DCAF17: variants seen among roughly 807,000 people sequenced by gnomAD.
The protein encoded by DCAF17 is DDB1- and CUL4-associated factor 17.
Under a neutral mutation model 66.0 loss-of-function variants are expected in DCAF17, and 48 were observed. The observed-to-expected ratio is 0.73, with a 90% CI of 0.58 to 0.92. The LOEUF (loss-of-function observed/expected upper bound fraction) is 0.92. Among genes scored for constraint, DCAF17 ranks in the 40% least tolerant of loss-of-function variants. The pLI is 0.00. For missense variants in DCAF17, 562 were observed against 622.8 expected, an observed-to-expected ratio of 0.90 and a Z score of 1.04; for synonymous variants, 206 against 214.6, an observed-to-expected ratio of 0.96 and a Z score of 0.35.
chr2:171,469,059 C>A (rs772459391), intron 9 of DCAF17, 29 bp downstream of exon 9: 2 of 1,612,430 alleles, frequency 1.2e-6, no homozygotes, highest in South Asian at 2.2e-5. Context: ...TTTTTATTAG[C>A]AAATTTGTAT....
intron 8 of DCAF17, among the ~76,000 whole-genome samples, chr2:171,466,815 C>A (rs1047425365): frequency 6.7e-6 from 1 of 148,292 alleles, no homozygotes; most frequent in Non-Finnish European, 1.5e-5. Flanking sequence ...TTCTCTATAA[C>A]ATACCTAGTT....
At chr2:171,454,990 A>C (rs1695169611) in intron 6 of DCAF17, among the ~76,000 whole-genome samples, 1 of 149,982 alleles carries the variant, frequency 6.7e-6, no homozygotes, top group African/African-American at 2.5e-5. Flanking sequence ...TTAACTTCTA[A>C]GTTCAGGGGT....
At chr2:171,451,431 A>G (rs1694947087) in intron 5 of DCAF17, among the ~76,000 whole-genome samples, 2 of 152,168 alleles carry the variant, frequency 1.3e-5, no homozygotes, top group South Asian at 4.2e-4. Flanking sequence ...TACTCTTACT[A>G]CCTTGCTTTT....
Position 171,448,691 on chromosome 2 carries a change from T to G in DCAF17, c.332T>G (p.Leu111Arg). 1 of 1,592,484 alleles carries G rather than the reference T, an allele frequency of 6.3e-7. No homozygotes were observed. Among genetic ancestry groups the G allele is most frequent in the Non-Finnish European group, 8.5e-7 (1 of 1,170,764 alleles). The change falls in exon 4 of 14, where the codon CTT (leucine) becomes CGT (arginine). Residue 111 changes from leucine to arginine, a missense_variant. Physicochemically the swap from Leu to Arg is moderately radical, Grantham distance 102. Around this residue, in one of 3 missense-constraint regions of DCAF17, gnomAD observed 348 missense variants for 355.9 expected, o/e 0.98. Transcript: ENST00000375255. ...TCTTTTTTTTTTTAGGGAGATATAC[T>G]TCCCAATTCATCAGATTATAAGTCC... is the stretch of plus-strand genomic sequence containing the variant. ...LLWECPVGDI[L>R]PNSSDYKSSL...
chr2:171,451,085 T>G (rs12052810), intron 5 of DCAF17, among the ~76,000 whole-genome samples: 50,368 of 151,712 alleles, frequency 0.33, 9,595 homozygotes, highest in East Asian at 0.63. Flanking sequence ...TTTTACCTTG[T>G]TTAGATAACT....
Position 171,449,935 on chromosome 2 carries a change from G to C in DCAF17, c.515G>C (p.Arg172Thr). 1 of 1,613,844 alleles carries C rather than the reference G, an allele frequency of 6.2e-7. No individual in the cohort carries two copies. Among genetic ancestry groups the C allele is most frequent in the Non-Finnish European group, 8.5e-7 (1 of 1,179,800 alleles). The change falls in exon 5 of 14, where the codon AGA (arginine) becomes ACA (threonine). Residue 172 changes from arginine (R) to threonine (T), a missense_variant. Around this residue, in one of 3 missense-constraint regions of DCAF17, gnomAD observed 348 missense variants for 355.9 expected, o/e 0.98. Coordinates refer to ENST00000375255, the MANE Select transcript of DCAF17 (RefSeq NM_025000.4). ...ATTGCAGTTAAGTCAGCTCAGAACAGAGGCTCAGCAGTGGCCCGGCAGGTA... is the reference window on the plus strand; with the variant it reads ...ATTGCAGTTAAGTCAGCTCAGAACACAGGCTCAGCAGTGGCCCGGCAGGTA... ...EVIAVKSAQN[R>T]GSAVARQAGI...
chr2:171,481,066 G>A lies in DCAF17; in HGVS notation c.1515G>A (p.Met505Ile). The A allele has an allele frequency of 6.2e-7, 1 of 1,613,820 alleles. No individual in the cohort carries two copies. The highest frequency in any genetic ancestry group is 8.5e-7 in the Non-Finnish European group (1 of 1,179,726). Residue 505 changes from methionine (M) to isoleucine (I), a missense_variant, in exon 14 of 14, where the codon ATG becomes ATA. Physicochemically the swap from Met to Ile is conservative, Grantham distance 10. Transcript: ENST00000375255. ...NRVFSCYVYQ[M>I]ICDTGEEEET... ...TCTTCAGCTGCTATGTTTACCAGAT[G>A]ATATGTGACACTGGGGAAGAAGAAG...
intron 5 of DCAF17, among the ~76,000 whole-genome samples, chr2:171,451,169 C>T (rs981151757): frequency 6.6e-6 from 1 of 151,452 alleles, no homozygotes; most frequent in Admixed American, 6.6e-5. Flanking sequence ...GCTTTTCATT[C>T]CTCCCTCATC....
intron 2 of DCAF17, among the ~76,000 whole-genome samples, chr2:171,441,298 T>A (rs1189060007): frequency 6.6e-6 from 1 of 152,232 alleles, no homozygotes; most frequent in Non-Finnish European, 1.5e-5. Context: ...GTCAATGCCA[T>A]GCTTCTCTCT....
In DCAF17 at chr2:171,478,090, T is replaced by G. The variant is rs773138723; in HGVS notation, c.1266+20T>G. Reference sequence around the variant, plus strand: ...CAAGAGGTATTGCTTTGGCCAGAGATGACAAACCAAACCAGTGTGTCCTTG... The same window carrying G: ...CAAGAGGTATTGCTTTGGCCAGAGAGGACAAACCAAACCAGTGTGTCCTTG... On this transcript the variant is annotated intron_variant, in intron 12 of 13. Coordinates refer to ENST00000375255, the MANE Select transcript of DCAF17 (RefSeq NM_025000.4). 1 of 1,591,000 alleles carries G rather than the reference T, an allele frequency of 6.3e-7. No homozygotes were observed. Among genetic ancestry groups the G allele is most frequent in the Non-Finnish European group, 8.6e-7 (1 of 1,159,154 alleles).
rs1017532364 is a variant in DCAF17 at position 171,453,006 on chromosome 2, A to C, written c.538-118A>C. ...AATCTAGATAGATGGTTGTTTTCAT[A>C]ATATGAAAATGTCTGTATAACTACA... On this transcript the variant is annotated intron_variant, in intron 5 of 13. Coordinates refer to ENST00000375255, the MANE Select transcript of DCAF17 (RefSeq NM_025000.4). The C allele has an allele frequency of 2.8e-5, 17 of 616,820 alleles. No individual in the cohort carries two copies. The Admixed American group carries it at 5.2e-4, about 19-fold the overall frequency. The allele number at this position is 616,820 out of a possible 1,614,324, so 38.2% of individuals were successfully genotyped here. A position where few individuals can be genotyped will look rare whatever the true frequency, so the allele number is the denominator to read the frequency against.
intron 2 of DCAF17, among the ~76,000 whole-genome samples, chr2:171,442,016 T>TA (rs141894211): frequency 7.3e-5 from 11 of 150,090 alleles, no homozygotes; most frequent in Admixed American, 2.7e-4. Flanking sequence ...TGCTTTAACT[T>TA]AAAAAAAAAA....
chr2:171,462,989 T>C (rs530173007), intron 8 of DCAF17, among the ~76,000 whole-genome samples: 2 of 152,228 alleles, frequency 1.3e-5, no homozygotes, highest in South Asian at 4.2e-4. Flanking sequence ...CTGAGCACTT[T>C]GGGAAGCGAG....
chr2:171,437,033 CA>C (rs201193654), intron 2 of DCAF17, among the ~76,000 whole-genome samples: 2,608 of 152,214 alleles, frequency 0.017, 26 homozygotes, highest in Non-Finnish European at 0.028. Context: ...CTCGGCCTCC[CA>C]AAGTGCTGGG....
rs74620944 is a variant in DCAF17, at chr2:171,443,033, T to TA, written c.231-479dup. ...ACCTTTCTGAAAAGTAATTTGGGAG[T>TA]AAAAAAAAAAACCATAAAGGGTTTT... is the stretch of plus-strand genomic sequence containing the variant. On this transcript the variant is annotated intron_variant, in intron 2 of 13. Transcript: ENST00000375255. 9.3e-3 allele frequency: 1,348 copies of TA among 145,626 alleles called. 9 individuals carry two copies. Among genetic ancestry groups the TA allele is most frequent in the Non-Finnish European group, 0.014 (901 of 66,002 alleles). 9.0% of individuals were successfully genotyped at this position (145,626 alleles called of 1,614,324 possible). A position where few individuals can be genotyped will look rare whatever the true frequency, so the allele number is the denominator to read the frequency against.
chr2:171,457,657 C>T (rs1376509674), intron 6 of DCAF17, among the ~76,000 whole-genome samples: 1 of 152,092 alleles, frequency 6.6e-6, no homozygotes. Context: ...TGGTGTATGC[C>T]AGTGTCTATG....
chr2:171,448,393 A>G (rs1221532745), intron 3 of DCAF17, among the ~76,000 whole-genome samples: 3 of 151,922 alleles, frequency 2.0e-5, no homozygotes, highest in Non-Finnish European at 2.9e-5. Flanking sequence ...TTCTACTGTT[A>G]TTATGACTAA....
chr2:171,471,618 C>T (rs1277268651), intron 9 of DCAF17, among the ~76,000 whole-genome samples: 2 of 151,962 alleles, frequency 1.3e-5, no homozygotes, highest in African/African-American at 4.8e-5. Context: ...GTAATAATAC[C>T]ACTATTTCTA....
intron 7 of DCAF17, 69 bp from the exon 8 acceptor site, chr2:171,458,303 T>C: frequency 7.3e-7 from 1 of 1,367,724 alleles, no homozygotes; most frequent in Non-Finnish European, 1.0e-6. Context: ...GTGAATTTTA[T>C]TTTTGTTCTC....
Sources: allele counts gnomAD v4.1 joint callset (sites outside exome capture counted in the v4.1 genomes callset), GRCh38; gene constraint gnomAD v4.1.1; regional missense constraint gnomAD v4.1.1; transcripts MANE v1.5; gene names NCBI Gene and HGNC (gene_info 2026-07-23, HGNC 2026-07-21).